Variants in HINT3 observed in about 807,000 individuals in gnomAD.
The protein encoded by HINT3 is histidine triad nucleotide binding protein 3.
Under a neutral mutation model 19.1 loss-of-function variants are expected in HINT3, and 16 were observed. The observed-to-expected ratio is 0.84, with a 90% CI of 0.57 to 1.27. HINT3 has a LOEUF of 1.27. Ranked by LOEUF, HINT3 falls within the 50% of genes most tolerant of loss-of-function variation. The pLI, the probability that HINT3 is intolerant of heterozygous loss-of-function variation, is 0.00. For synonymous variants in HINT3, 75 were observed against 84.8 expected, an observed-to-expected ratio of 0.88 and a Z score of 0.63; for missense variants, 197 against 225.8, an observed-to-expected ratio of 0.87 and a Z score of 0.82.
intron 3 of HINT3, 131 bp from the exon 4 acceptor site, chr6:125,974,716 A>T: frequency 1.2e-6 from 1 of 827,946 alleles, no homozygotes; most frequent in Non-Finnish European, 1.9e-6. Flanking sequence ...GAGAAACATT[A>T]ATGAGATTTG....
Position 125,980,030 on chromosome 6 carries a change from A to G in HINT3, c.*2354A>G, listed in dbSNP as rs1474816116. 1 of 152,212 alleles carries G rather than the reference A, an allele frequency of 6.6e-6. No homozygotes were observed. Among genetic ancestry groups the G allele is most frequent in the Admixed American group, 6.5e-5 (1 of 15,288 alleles). 9.4% of individuals were successfully genotyped at this position (152,212 alleles called of 1,614,324 possible). ...AATCAAATTACTACAATTAATATCC[A>G]TTTAGCCTTTTCAGTAGTCTAAATA... On this transcript the variant is annotated 3_prime_UTR_variant, in exon 5 of 5. Coordinates refer to ENST00000229633, the MANE Select transcript of HINT3 (RefSeq NM_138571.5).
At chr6:125,970,584 G>C (rs1789083749) in intron 2 of HINT3, among the ~76,000 whole-genome samples, 1 of 152,058 alleles carries the variant, frequency 6.6e-6, no homozygotes, top group African/African-American at 2.4e-5. Context: ...CATACTAAAA[G>C]TTGTTGCAAA....
chr6:125,965,973 A>G (rs1437117756), intron 1 of HINT3, among the ~76,000 whole-genome samples: 2 of 152,204 alleles, frequency 1.3e-5, no homozygotes, highest in Non-Finnish European at 2.9e-5. Flanking sequence ...ACTTGTTTGA[A>G]TTGAATTTTG....
In HINT3 at chr6:125,960,655, T is replaced by TGCGGGG. The variant is rs1554209589; in HGVS notation, c.201+3478_201+3479insCGGGGG. Among the ~76,000 whole-genome samples the TGCGGGG allele has an allele frequency of 1.9e-3, 143 of 76,218 alleles. 2 individuals are homozygous for TGCGGGG. Among genetic ancestry groups the TGCGGGG allele is most frequent in the African/African-American group, 4.9e-3 (139 of 28,202 alleles). 50.0% of individuals were successfully genotyped at this position (76,218 alleles called of 152,430 possible). A position where few individuals can be genotyped will look rare whatever the true frequency, so the allele number is the denominator to read the frequency against. On this transcript the variant is annotated intron_variant, in intron 1 of 4. Coordinates refer to ENST00000229633, the MANE Select transcript of HINT3 (RefSeq NM_138571.5). ...CTGGGTGACAGAGCAAGACTCTCTC[T>TGCGGGG]GGGGGGGGGGAAAAAAAAAGAAGTT... is the stretch of plus-strand genomic sequence containing the variant.
chr6:125,962,213 CATATATAT>C (rs1215154343), intron 1 of HINT3, among the ~76,000 whole-genome samples: 2 of 36,320 alleles, frequency 5.5e-5, no homozygotes, highest in African/African-American at 5.7e-4. Flanking sequence ...TATATATACA[CATATATAT>C]ATATATATAT....
intron 1 of HINT3, among the ~76,000 whole-genome samples, chr6:125,958,702 A>G (rs889735977): frequency 5.3e-5 from 8 of 152,186 alleles, no homozygotes; most frequent in African/African-American, 1.9e-4. Context: ...ACATTTTGCA[A>G]TGTATTGAGA....
intron 1 of HINT3, among the ~76,000 whole-genome samples, chr6:125,963,221 A>G (rs1788969344): frequency 2.0e-5 from 3 of 152,214 alleles, no homozygotes; most frequent in South Asian, 2.1e-4. Context: ...CCAACAAAAA[A>G]TAGATGTCTT....
chr6:125,962,189 C>CATATATATATATATATATATATACACAT (rs371993982), intron 1 of HINT3, among the ~76,000 whole-genome samples: 2 of 64,298 alleles, frequency 3.1e-5, no homozygotes, highest in Non-Finnish European at 5.2e-5. Context: ...TATATATACA[C>CATATATATATATATATATATATACACAT]ATATATATAT....
chr6:125,961,855 C>T (rs1234411437), intron 1 of HINT3, among the ~76,000 whole-genome samples: 2 of 151,808 alleles, frequency 1.3e-5, no homozygotes, highest in Non-Finnish European at 2.9e-5. Flanking sequence ...GTGGGGAAAC[C>T]CAGCAAGGCC....
chr6:125,970,660 C>T (rs1416987278), intron 2 of HINT3, among the ~76,000 whole-genome samples: 2 of 152,078 alleles, frequency 1.3e-5, no homozygotes, highest in African/African-American at 4.8e-5. Context: ...TTCAAGAACA[C>T]TATCAAGGAA....
chr6:125,957,287 C>T, intron 1 of HINT3, 109 bp downstream of exon 1: 2 of 1,208,506 alleles, frequency 1.7e-6, no homozygotes, highest in East Asian at 2.6e-5. Context: ...CCGATCGCTA[C>T]TCAGCTCGCA....
intron 3 of HINT3, 76 bp downstream of exon 3, chr6:125,972,404 T>C: frequency 1.1e-6 from 1 of 893,250 alleles, no homozygotes; most frequent in Non-Finnish European, 1.7e-6. Context: ...CCATGGAAAA[T>C]GGAAACAGAG....
rs1368970329 is a variant in HINT3 at position 125,980,142 on chromosome 6, G to T, written c.*2466G>T. On this transcript the variant is annotated 3_prime_UTR_variant, in exon 5 of 5. Coordinates refer to ENST00000229633, the MANE Select transcript of HINT3 (RefSeq NM_138571.5). ...TTAAAAATGTTTGAAGTGGTATCAA[G>T]AGCATTGTTTATGCATGTTGTGATA... 1 of 152,160 alleles carries T rather than the reference G, an allele frequency of 6.6e-6. No homozygotes were observed. Among genetic ancestry groups the T allele is most frequent in the East Asian group, 1.9e-4 (1 of 5,202 alleles). 9.4% of individuals were successfully genotyped at this position (152,160 alleles called of 1,614,324 possible).
At chr6:125,971,871 G>A (rs1364348423) in intron 2 of HINT3, among the ~76,000 whole-genome samples, 1 of 151,720 alleles carries the variant, frequency 6.6e-6, no homozygotes, top group African/African-American at 2.4e-5. Flanking sequence ...CACCACGCCC[G>A]GCTAATTTTT....
At chr6:125,973,202 C>T (rs1789134037) in intron 3 of HINT3, among the ~76,000 whole-genome samples, 4 of 149,970 alleles carry the variant, frequency 2.7e-5, no homozygotes, top group Admixed American at 6.7e-5. Context: ...CAGCCTTCCA[C>T]GTAGCTGGGA....
At chr6:125,964,578 G>C (rs1562212960) in intron 1 of HINT3, among the ~76,000 whole-genome samples, 1 of 151,996 alleles carries the variant, frequency 6.6e-6, no homozygotes, top group Non-Finnish European at 1.5e-5. Context: ...AATTTCGTAT[G>C]TATATGAAGA....
At chr6:125,974,713 A>G in intron 3 of HINT3, 134 bp from the exon 4 acceptor site, 1 of 814,446 alleles carries the variant, frequency 1.2e-6, no homozygotes, top group Non-Finnish European at 2.0e-6. Context: ...AAAGAGAAAC[A>G]TTAATGAGAT....
At chr6:125,963,676 A>T (rs952887651) in intron 1 of HINT3, among the ~76,000 whole-genome samples, 1 of 152,188 alleles carries the variant, frequency 6.6e-6, no homozygotes, top group African/African-American at 2.4e-5. Flanking sequence ...TATTCTTTTT[A>T]TATGTAAAGC....
intron 1 of HINT3, among the ~76,000 whole-genome samples, chr6:125,966,463 T>C (rs773707236): frequency 2.0e-5 from 3 of 152,206 alleles, no homozygotes; most frequent in Non-Finnish European, 2.9e-5. Flanking sequence ...TTTTTATAAT[T>C]GAGGAAAATG....
Sources: gnomAD v4.1 joint callset for allele counts (sites outside exome capture counted in the v4.1 genomes callset) on GRCh38, gnomAD v4.1.1 for gene constraint, MANE v1.5 for transcripts, NCBI Gene and HGNC (gene_info 2026-07-23, HGNC 2026-07-21) for gene names.